Variants in ATP2C1 observed in about 807,000 individuals in gnomAD.
The protein encoded by ATP2C1 is ATPase secretory pathway Ca2+ transporting 1, also known as calcium-transporting ATPase type 2C member 1.
Under a neutral mutation model 120.5 loss-of-function variants are expected in ATP2C1, and 31 were observed. The observed-to-expected ratio is 0.26, with a 90% confidence interval of 0.19 to 0.35. The LOEUF (loss-of-function observed/expected upper bound fraction) is 0.35. Ranked by LOEUF, ATP2C1 falls within the 10% of genes least tolerant of loss-of-function variation. ATP2C1 has a pLI of 1.00. For missense variants in ATP2C1, 731 were observed against 1,107.5 expected, an observed-to-expected ratio of 0.66 and a Z score of 4.83; for synonymous variants, 351 against 358.7, an observed-to-expected ratio of 0.98 and a Z score of 0.24.
chr3:130,884,100 C>G (rs866926023), intron 1 of ATP2C1, among the ~76,000 whole-genome samples: 2 of 152,036 alleles, frequency 1.3e-5, no homozygotes, highest in Middle Eastern at 3.4e-3. Flanking sequence ...GCCACCATGC[C>G]TGGCTAATTT....
intron 2 of ATP2C1, chr3:130,918,598 G>T: frequency 1.4e-6 from 1 of 706,514 alleles, no homozygotes; most frequent in Non-Finnish European, 2.7e-6. Context: ...TAGCCTTTTG[G>T]CCCATACTTC....
chr3:130,902,717 C>G (rs538856156), intron 2 of ATP2C1, among the ~76,000 whole-genome samples: 39 of 152,004 alleles, frequency 2.6e-4, no homozygotes, highest in Non-Finnish European at 4.4e-4. Flanking sequence ...CTAGACCCCC[C>G]CCGAAGTCAG....
chr3:130,926,415 A>G (rs140618800), intron 2 of ATP2C1, among the ~76,000 whole-genome samples: 1 of 152,392 alleles, frequency 6.6e-6, no homozygotes, highest in Non-Finnish European at 1.5e-5. Flanking sequence ...TTCAAAAAGT[A>G]CTTGAACTGG....
At position 130,967,364 on chromosome 3, in the gene ATP2C1, A is replaced by G. The variant is rs1295185704; in HGVS notation, c.1253A>G (p.Asn418Ser). 4.3e-6 allele frequency: 7 copies of G among 1,613,790 alleles called. No homozygotes were observed. Among genetic ancestry groups the G allele is most frequent in the Non-Finnish European group, 5.1e-6 (6 of 1,179,768 alleles). Residue 418 changes from asparagine (N) to serine (S), a missense_variant, in exon 16 of 28, where the codon AAC becomes AGC. Physicochemically the swap from Asn to Ser is conservative, Grantham distance 46. Coordinates refer to ENST00000510168, the MANE Select transcript of ATP2C1 (RefSeq NM_001378687.1). ...GCVCNDAVIR[N>S]NTLMGKPTEG... ...GTGTGCAATGATGCTGTAATTAGAA[A>G]CAATACTCTAATGGGGAAGCCAACA... is the stretch of plus-strand genomic sequence containing the variant.
chr3:130,887,295 G>T (rs1236201720), intron 1 of ATP2C1, among the ~76,000 whole-genome samples: 1 of 152,198 alleles, frequency 6.6e-6, no homozygotes, highest in East Asian at 1.9e-4. Context: ...CACAGCACTA[G>T]GTCTTGCCCA....
Position 130,991,379 on chromosome 3 carries a change from TGTG to T in ATP2C1, c.1840-1569_1840-1567del, listed in dbSNP as rs573672745. ...GTCATGAATCGTGTTTCACTGCAGT[TGTG>T]GTAACAGTATGATCATGGGATGGAT... On this transcript the variant is annotated intron_variant, in intron 20 of 27. Coordinates refer to ENST00000510168, the MANE Select transcript of ATP2C1 (RefSeq NM_001378687.1). Among the ~76,000 whole-genome samples, 5 of 152,170 alleles carry T rather than the reference TGTG, an allele frequency of 3.3e-5. No homozygotes were observed. The East Asian group carries it at 9.7e-4, about 29-fold the overall frequency.
chr3:130,926,845 G>A lies in ATP2C1; in HGVS notation c.7-3571G>A, dbSNP rs187705073. Among the ~76,000 whole-genome samples the A allele has an allele frequency of 9.8e-5, 15 of 152,350 alleles. No individual in the cohort carries two copies. The East Asian group carries it at 1.7e-3, about 18-fold the overall frequency. On this transcript the variant is annotated intron_variant, in intron 2 of 27. Coordinates refer to ENST00000510168, the MANE Select transcript of ATP2C1 (RefSeq NM_001378687.1). Reference sequence around the variant, plus strand: ...ACATTAAACATCTCAACACATTTGCGCCTGGTTTTGGTTGCCCAGTAGTAT... The same window carrying A: ...ACATTAAACATCTCAACACATTTGCACCTGGTTTTGGTTGCCCAGTAGTAT...
chr3:130,854,396 A>G (rs2067770161), intron 1 of ATP2C1: 1 of 152,238 alleles, frequency 6.6e-6, no homozygotes, highest in South Asian at 2.1e-4. Flanking sequence ...AGGTGTGCTG[A>G]ACGCACGCAT....
upstream of ATP2C1, among the ~76,000 whole-genome samples, chr3:130,892,879 G>A (rs1217191899): frequency 6.6e-6 from 1 of 152,234 alleles, no homozygotes; most frequent in African/African-American, 2.4e-5. Flanking sequence ...TAGAAACACA[G>A]GCAACCCCGT....
intron 8 of ATP2C1, among the ~76,000 whole-genome samples, chr3:130,945,072 A>C (rs1412746069): frequency 6.6e-6 from 1 of 152,114 alleles, no homozygotes; most frequent in Non-Finnish European, 1.5e-5. Flanking sequence ...GCTTGAATCC[A>C]CTGCTACAGA....
At chr3:130,875,644 G>A (rs909155295) in intron 1 of ATP2C1, among the ~76,000 whole-genome samples, 5 of 152,038 alleles carry the variant, frequency 3.3e-5, no homozygotes, top group South Asian at 2.1e-4. Flanking sequence ...ATAGGTACCC[G>A]GTAGTGCTGA....
chr3:130,908,997 GA>G (rs2058267953), intron 2 of ATP2C1, among the ~76,000 whole-genome samples: 1 of 152,064 alleles, frequency 6.6e-6, no homozygotes, highest in Non-Finnish European at 1.5e-5. Flanking sequence ...ATCAAATGAA[GA>G]ATATTTAAGA....
At chr3:130,961,012 A>G (rs939806368) in intron 12 of ATP2C1, among the ~76,000 whole-genome samples, 2 of 152,188 alleles carry the variant, frequency 1.3e-5, no homozygotes, top group African/African-American at 4.8e-5. Context: ...AAAGTCAAAT[A>G]GATTACAAGG....
Position 131,016,430 on chromosome 3 carries a change from A to G in ATP2C1, c.*241A>G, listed in dbSNP as rs2063637546. ...ACATATACTACAAATTCTATAAAGA[A>G]AGAAATTAATTTAAAAAAACTAAGA... On this transcript the variant is annotated 3_prime_UTR_variant, in exon 27 of 27. Coordinates refer to the ATP2C1 transcript ENST00000328560. The G allele has an allele frequency of 9.3e-6, 13 of 1,400,464 alleles. No individual in the cohort carries two copies. The Admixed American group carries it at 1.3e-4, about 14-fold the overall frequency. The allele number at this position is 1,400,464 out of a possible 1,614,324, so 86.8% of individuals were successfully genotyped here. A position where few individuals can be genotyped will look rare whatever the true frequency, so the allele number is the denominator to read the frequency against.
intron 11 of ATP2C1, among the ~76,000 whole-genome samples, chr3:130,957,226 A>G (rs2060620549): frequency 6.6e-6 from 1 of 152,230 alleles, no homozygotes; most frequent in Non-Finnish European, 1.5e-5. Context: ...TCTGCAATTA[A>G]GTTGGTTTTG....
intron 1 of ATP2C1, among the ~76,000 whole-genome samples, chr3:130,885,746 A>G (rs1478170546): frequency 6.6e-6 from 1 of 152,148 alleles, no homozygotes; most frequent in Admixed American, 6.5e-5. Flanking sequence ...TAGACTTTCT[A>G]CTTGAGTACT....
intron 18 of ATP2C1, among the ~76,000 whole-genome samples, chr3:130,975,921 G>A (rs1231003301): frequency 6.6e-6 from 1 of 152,166 alleles, no homozygotes; most frequent in Non-Finnish European, 1.5e-5. Context: ...AGGTAAAGAA[G>A]TCCCCAGATT....
chr3:130,857,320 TC>T (rs1021589968), intron 1 of ATP2C1, among the ~76,000 whole-genome samples: 2 of 152,200 alleles, frequency 1.3e-5, no homozygotes, highest in African/African-American at 4.8e-5. Context: ...TCATGGTCTT[TC>T]TCTCTCCCAA....
At chr3:130,994,370 G>A (rs139634229) in intron 22 of ATP2C1, among the ~76,000 whole-genome samples, 260 of 152,288 alleles carry the variant, frequency 1.7e-3, no homozygotes, top group African/African-American at 5.9e-3. Flanking sequence ...TGATGGTATA[G>A]TAATGGCCTT....
Sources: allele counts gnomAD v4.1 joint callset (sites outside exome capture counted in the v4.1 genomes callset), GRCh38; gene constraint gnomAD v4.1.1; transcripts MANE v1.5; gene names NCBI Gene and HGNC (gene_info 2026-07-23, HGNC 2026-07-21).